The following PRKN variants were observed in gnomAD, a reference collection of about 807,000 sequenced individuals.
The protein encoded by PRKN is E3 ubiquitin-protein ligase parkin.
In PRKN, 56 loss-of-function variants were observed where a neutral mutation model predicts 59.5. The observed-to-expected ratio is 0.94, with a 90% CI of 0.76 to 1.18. The LOEUF (loss-of-function observed/expected upper bound fraction) is 1.18. Among genes scored for constraint, PRKN ranks in the 50% most tolerant of loss-of-function variants. The pLI, the probability that PRKN is intolerant of heterozygous loss-of-function variation, is 0.00. For missense variants in PRKN, 657 were observed against 596.4 expected (o/e 1.10, Z -1.06); for synonymous variants, 250 against 222.1 (o/e 1.13, Z -1.12).
In PRKN at chr6:161,352,722, GAA is replaced by G. The variant is rs1491101122; in HGVS notation, c.1286-2513_1286-2512del. 1.9e-5 allele frequency among the ~76,000 whole-genome samples: 2 copies of G among 105,148 alleles called. No homozygotes were observed. The highest frequency in any genetic ancestry group is 4.3e-5 in the Non-Finnish European group (2 of 46,722). 69.0% of individuals were successfully genotyped at this position (105,148 alleles called of 152,430 possible). ...AGCATATATAAACACAAATATGTATGAAGAGTGTGTGTGTGTGTGTGTGTGTG... is the reference window on the plus strand; with the variant it reads ...AGCATATATAAACACAAATATGTATGGAGTGTGTGTGTGTGTGTGTGTGTG... On this transcript the variant is annotated intron_variant, in intron 11 of 11. Transcript: ENST00000366898. This position sits in a 1 kb window ranked among gnomAD's most constrained non-coding sequence, Gnocchi z 5.8.
intron 9 of PRKN, among the ~76,000 whole-genome samples, chr6:161,531,577 T>C (rs1487333416): frequency 1.3e-5 from 2 of 152,048 alleles, no homozygotes; most frequent in Non-Finnish European, 2.9e-5. Flanking sequence ...CTGGGCAGAA[T>C]CCAAAATAGG....
At chr6:162,309,103 G>T (rs1286932446) in intron 2 of PRKN, among the ~76,000 whole-genome samples, 1 of 152,026 alleles carries the variant, frequency 6.6e-6, no homozygotes, top group Non-Finnish European at 1.5e-5. Flanking sequence ...ACCTTAAAAC[G>T]CAGGTGACAA....
intron 1 of PRKN, among the ~76,000 whole-genome samples, chr6:162,576,470 A>G (rs1780559917): frequency 1.3e-5 from 2 of 152,200 alleles, no homozygotes; most frequent in African/African-American, 4.8e-5. Context: ...ATTCAGATTG[A>G]CTTTGGAATC....
chr6:161,430,598 G>A (rs890173387), intron 9 of PRKN, among the ~76,000 whole-genome samples: 10 of 150,692 alleles, frequency 6.6e-5, no homozygotes, highest in South Asian at 2.1e-4. Context: ...GGTGGATCAC[G>A]AGGTCAGGAG....
At position 162,244,477 on chromosome 6, in the gene PRKN, C is replaced by T. The variant is rs569638671; in HGVS notation, c.412+18048G>A. Among the ~76,000 whole-genome samples the T allele has an allele frequency of 2.6e-5, 4 of 152,160 alleles. No individual in the cohort carries two copies. In the South Asian group the frequency reaches 6.2e-4, roughly 24 times the overall value. Reference sequence around the variant, plus strand: ...ATAAAAGGATTATAGAACTTCTTGACAAATTCAAATTATTATATAAAGTTT... The same window carrying T: ...ATAAAAGGATTATAGAACTTCTTGATAAATTCAAATTATTATATAAAGTTT... On this transcript the variant is annotated intron_variant, in intron 3 of 11. Transcript: ENST00000366898.
chr6:161,891,034 C>CG (rs1224114002), intron 6 of PRKN, among the ~76,000 whole-genome samples: 1 of 152,126 alleles, frequency 6.6e-6, no homozygotes, highest in Non-Finnish European at 1.5e-5. Flanking sequence ...TGCTACAAAG[C>CG]GGGAAATAAC....
At position 161,900,807 on chromosome 6, in the gene PRKN, A is replaced by G. The variant is rs183320392; in HGVS notation, c.734+72495T>C. Among the ~76,000 whole-genome samples, 1,285 of 139,852 alleles carry G rather than the reference A, an allele frequency of 9.2e-3. 23 individuals are homozygous for G. Among genetic ancestry groups the G allele is most frequent in the Admixed American group, 0.047 (625 of 13,246 alleles). 91.7% of individuals were successfully genotyped at this position (139,852 alleles called of 152,430 possible). The stretch of plus-strand genomic sequence containing the variant: ...ATATAAAATATAAATATATAATAAA[A>G]TAATATGTAATATATATTATGTATT... On this transcript the variant is annotated intron_variant, in intron 6 of 11. Coordinates refer to ENST00000366898, the MANE Select transcript of PRKN (RefSeq NM_004562.3).
At chr6:162,397,345 G>A (rs937389104) in intron 2 of PRKN, among the ~76,000 whole-genome samples, 2 of 152,028 alleles carry the variant, frequency 1.3e-5, no homozygotes, top group Non-Finnish European at 2.9e-5. Flanking sequence ...TCATGTCTAG[G>A]CCAACATTAA....
intron 4 of PRKN, among the ~76,000 whole-genome samples, chr6:162,083,469 G>T (rs748021049): frequency 6.6e-6 from 1 of 152,042 alleles, no homozygotes; most frequent in Non-Finnish European, 1.5e-5. Context: ...AAAGTGAGGT[G>T]CGCCTGTACT....
chr6:162,414,234 T>C (rs1046170692), intron 2 of PRKN, among the ~76,000 whole-genome samples: 1 of 151,984 alleles, frequency 6.6e-6, no homozygotes, highest in Non-Finnish European at 1.5e-5. Flanking sequence ...CTTTAGGAAA[T>C]GCACAGAACT....
intron 7 of PRKN, among the ~76,000 whole-genome samples, chr6:161,641,376 A>G (rs1783731586): frequency 6.6e-6 from 1 of 152,120 alleles, no homozygotes; most frequent in African/African-American, 2.4e-5. Context: ...ATCAGTTGGG[A>G]CCACCCAGAT....
chr6:161,912,655 A>T (rs955353600), intron 6 of PRKN, among the ~76,000 whole-genome samples: 107 of 151,942 alleles, frequency 7.0e-4, no homozygotes, highest in Non-Finnish European at 1.6e-4. Flanking sequence ...AACCCAGCTG[A>T]CCCAAGAACT....
In PRKN at chr6:161,550,888, T is replaced by C. The variant is rs960669090; in HGVS notation, c.934-1885A>G. On this transcript the variant is annotated intron_variant, in intron 8 of 11. Transcript: ENST00000366898. The surrounding 1 kb of genome is among the most constrained non-coding windows in gnomAD (Gnocchi z 4.0). ...ATAAGTGTAGTTTAGGAGAAAGGCA[T>C]GGGTCCTGGGTACAAATTTTGAAGT... Among the ~76,000 whole-genome samples the C allele has an allele frequency of 3.3e-5, 5 of 152,092 alleles. No homozygotes were observed. Among genetic ancestry groups the C allele is most frequent in the Admixed American group, 6.6e-5 (1 of 15,266 alleles).
intron 5 of PRKN, among the ~76,000 whole-genome samples, chr6:162,026,547 A>T (rs991501966): frequency 2.6e-5 from 4 of 152,320 alleles, no homozygotes; most frequent in African/African-American, 9.6e-5. Context: ...CTTTTGCTGT[A>T]AATATTCTAA....
chr6:162,500,172 C>CTT (rs36107785), intron 1 of PRKN, among the ~76,000 whole-genome samples: 6 of 133,944 alleles, frequency 4.5e-5, no homozygotes, highest in African/African-American at 8.1e-5. Flanking sequence ...CTCTTTTCTT[C>CTT]TTTTTTTTTT....
At chr6:162,097,421 G>A (rs1456283787) in intron 4 of PRKN, among the ~76,000 whole-genome samples, 2 of 152,182 alleles carry the variant, frequency 1.3e-5, no homozygotes, top group Non-Finnish European at 2.9e-5. Flanking sequence ...ATGACCGAAG[G>A]CTTAGAAAGT....
chr6:161,798,106 C>T (rs533280663), intron 6 of PRKN, among the ~76,000 whole-genome samples: 25 of 152,096 alleles, frequency 1.6e-4, no homozygotes, highest in Non-Finnish European at 2.9e-4. Flanking sequence ...GAGGCTAAGG[C>T]GGGAGAATGG....
intron 10 of PRKN, among the ~76,000 whole-genome samples, chr6:161,366,184 A>G (rs1785190452): frequency 1.3e-5 from 2 of 152,192 alleles, no homozygotes; most frequent in Admixed American, 1.3e-4. Flanking sequence ...TTCCACTGTG[A>G]GAAGATGCAG....
At chr6:162,547,299 T>C (rs1369302734) in intron 1 of PRKN, among the ~76,000 whole-genome samples, 1 of 152,212 alleles carries the variant, frequency 6.6e-6, no homozygotes, top group Non-Finnish European at 1.5e-5. Context: ...ACATACGAAA[T>C]TAGTTACACT....
Sources: gnomAD v4.1 joint callset for allele counts (sites outside exome capture counted in the v4.1 genomes callset) on GRCh38, gnomAD v4.1.1 for gene constraint, Gnocchi (gnomAD v3.1) non-coding constraint, MANE v1.5 for transcripts, NCBI Gene and HGNC (gene_info 2026-07-23, HGNC 2026-07-21) for gene names.